Variants in ICE2 observed in about 807,000 individuals in gnomAD.
ICE2 encodes the protein little elongation complex subunit 2.
Under a neutral mutation model 105.4 loss-of-function variants are expected in ICE2, and 87 were observed. The observed-to-expected ratio is 0.83, with a 90% CI of 0.69 to 0.99. The LOEUF is 0.99. Ranked by LOEUF, ICE2 falls within the 50% of genes least tolerant of loss-of-function variation. The pLI is 0.00. For synonymous variants in ICE2, 399 were observed against 392.0 expected (o/e 1.02, Z -0.21); for missense variants, 1,323 against 1,146.7 (o/e 1.15, Z -2.22).
Position 60,434,187 on chromosome 15 carries a change from GATA to G in ICE2, c.2510+1953_2510+1955del, listed in dbSNP as rs1163631830. On this transcript the variant is annotated intron_variant, in intron 13 of 15. Transcript: ENST00000261520. The stretch of plus-strand genomic sequence containing the variant: ...CCTAGAAGTTGTGAGATGAAAATGG[GATA>G]ATAATATTCATAAATTATTTTGCTT... Among the ~76,000 whole-genome samples the G allele has an allele frequency of 7.9e-5, 12 of 152,276 alleles. No homozygotes were observed. In the South Asian group the frequency reaches 2.3e-3, roughly 29 times the overall value.
At chr15:60,459,638 A>G (rs2064218093) in intron 5 of ICE2, among the ~76,000 whole-genome samples, 1 of 152,208 alleles carries the variant, frequency 6.6e-6, no homozygotes, top group Non-Finnish European at 1.5e-5. Flanking sequence ...ATATAAAACA[A>G]TAATGTGGGT....
chr15:60,428,694 TCA>T lies in ICE2; in HGVS notation c.2562-9_2562-8del. Reference sequence around the variant, plus strand: ...GTAGGAACCCTCCTGCAAGCTAAATTCACACAATGAAACTCAACCCACTGGCT... The same window carrying T: ...GTAGGAACCCTCCTGCAAGCTAAATTCACAATGAAACTCAACCCACTGGCT... On this transcript the variant is annotated splice_region_variant and splice_polypyrimidine_tract_variant and intron_variant, in intron 14 of 15. Transcript: ENST00000261520. The T allele has an allele frequency of 4.3e-6, 7 of 1,611,924 alleles. No individual in the cohort carries two copies. Among genetic ancestry groups the T allele is most frequent in the Non-Finnish European group, 5.9e-6 (7 of 1,178,272 alleles).
At chr15:60,448,649 A>C (rs965714865) in intron 10 of ICE2, among the ~76,000 whole-genome samples, 199 bp downstream of exon 10, 1 of 152,194 alleles carries the variant, frequency 6.6e-6, no homozygotes, top group African/African-American at 2.4e-5. Flanking sequence ...AAGCTGCAAG[A>C]CCCATACGCC....
At chr15:60,433,045 C>T (rs2063497873) in intron 13 of ICE2, among the ~76,000 whole-genome samples, 1 of 151,858 alleles carries the variant, frequency 6.6e-6, no homozygotes, top group African/African-American at 2.4e-5. Flanking sequence ...ACAGAGAAGC[C>T]ACTCACTCGG....
At chr15:60,433,244 C>T (rs375591826) in intron 13 of ICE2, among the ~76,000 whole-genome samples, 9 of 151,804 alleles carry the variant, frequency 5.9e-5, no homozygotes, top group South Asian at 2.1e-4. Flanking sequence ...CCCGCCACCA[C>T]GCCCGGCTAA....
rs568586542 is a variant in ICE2, at chr15:60,456,940, T to C, written c.529-146A>G. On this transcript the variant is annotated intron_variant, in intron 5 of 15. Coordinates refer to ENST00000261520, the MANE Select transcript of ICE2 (RefSeq NM_024611.6). Reference sequence around the variant, plus strand: ...AAGCTACTAATACACACATTGTATATTCTTTATTTTCATATTTTTAACCCA... The same window carrying C: ...AAGCTACTAATACACACATTGTATACTCTTTATTTTCATATTTTTAACCCA... The C allele has an allele frequency of 1.1e-4, 38 of 344,662 alleles. 1 individual carries two copies. In the South Asian group the frequency reaches 2.3e-3, roughly 21 times the overall value. 21.4% of individuals were successfully genotyped at this position (344,662 alleles called of 1,614,324 possible).
Position 60,423,451 on chromosome 15 carries a change from G to A in ICE2, c.*183C>T, listed in dbSNP as rs2140979868. 1 of 455,982 alleles carries A rather than the reference G, an allele frequency of 2.2e-6. No homozygotes were observed. The highest frequency in any genetic ancestry group is 2.0e-5 in the African/African-American group (1 of 48,878). 28.2% of individuals were successfully genotyped at this position (455,982 alleles called of 1,614,324 possible). A position where few individuals can be genotyped will look rare whatever the true frequency, so the allele number is the denominator to read the frequency against. On this transcript the variant is annotated 3_prime_UTR_variant, in exon 16 of 16. Coordinates refer to ENST00000261520, the MANE Select transcript of ICE2 (RefSeq NM_024611.6). ...AAGATCCTCCTCAAACTTCAAGGGT[G>A]AAAAGCATACCATTCCATTTTAGTT...
At chr15:60,431,877 G>C (rs1004370190) in intron 14 of ICE2, 57 bp downstream of exon 14, 1 of 986,562 alleles carries the variant, frequency 1.0e-6, no homozygotes, top group African/African-American at 1.6e-5. Flanking sequence ...AAGTTTCTAA[G>C]AATTTTCATC....
intron 13 of ICE2, among the ~76,000 whole-genome samples, chr15:60,433,124 G>A (rs913400275): frequency 4.7e-5 from 7 of 150,108 alleles, no homozygotes; most frequent in Admixed American, 6.6e-5. Flanking sequence ...TCGCTCTGTC[G>A]CCCAGGCTGG....
intron 9 of ICE2, 197 bp downstream of exon 9, chr15:60,453,406 T>G (rs549688072): frequency 1.5e-6 from 2 of 1,369,322 alleles, no homozygotes; most frequent in African/African-American, 1.5e-5. Flanking sequence ...CTTCCTTTCA[T>G]GTATGAAAGG....
rs2063741110 is a variant in ICE2, at chr15:60,442,548, G to A, written c.2296-3C>T. ...GGTAGTACATAAACTGGAAATTGCT[G>A]CAATGCAAAATTATACTTTTTCAAA... On this transcript the variant is annotated splice_region_variant and splice_polypyrimidine_tract_variant and intron_variant, in intron 11 of 15. Coordinates refer to ENST00000261520, the MANE Select transcript of ICE2 (RefSeq NM_024611.6). 2 of 1,559,452 alleles carry A rather than the reference G, an allele frequency of 1.3e-6. No individual in the cohort carries two copies. Among genetic ancestry groups the A allele is most frequent in the Non-Finnish European group, 1.7e-6 (2 of 1,161,002 alleles).
chr15:60,439,012 T>C (rs1435916443), intron 12 of ICE2: 1 of 152,192 alleles, frequency 6.6e-6, no homozygotes, highest in Non-Finnish European at 1.5e-5. Flanking sequence ...AAGCGTTCAT[T>C]CATATATATA....
In ICE2 at chr15:60,466,693, G is replaced by T. The variant is rs145373484; in HGVS notation, c.429C>A (p.Asn143Lys). The change falls in exon 5 of 16, where the codon AAC (asparagine) becomes AAA (lysine). Residue 143 changes from asparagine to lysine, a missense_variant. Transcript: ENST00000261520. Reference sequence around the variant, plus strand: ...ACTTTAGGAACTCAGTAACTTCTTCGTTCACATGTTTTTTCATATCCTGAT... The same window carrying T: ...ACTTTAGGAACTCAGTAACTTCTTCTTTCACATGTTTTTTCATATCCTGAT... The part of the protein sequence containing the change: ...LQYLDMKKHV[N>K]EEVTEFLKFL... 1 of 1,604,670 alleles carries T rather than the reference G, an allele frequency of 6.2e-7. No homozygotes were observed. The highest frequency in any genetic ancestry group is 8.5e-7 in the Non-Finnish European group (1 of 1,177,404).
At chr15:60,424,343 T>C (rs1222565330) in intron 15 of ICE2, among the ~76,000 whole-genome samples, 1 of 129,286 alleles carries the variant, frequency 7.7e-6, no homozygotes, top group Non-Finnish European at 1.6e-5. Context: ...AGCAGGGAAA[T>C]CCTGAAGGGC....
chr15:60,431,147 C>T (rs1468082217), intron 14 of ICE2, among the ~76,000 whole-genome samples: 1 of 151,916 alleles, frequency 6.6e-6, no homozygotes, highest in Non-Finnish European at 1.5e-5. Context: ...GCTGGGATTA[C>T]AGGCGTGAGC....
At chr15:60,426,764 G>A (rs956284052) in intron 15 of ICE2, among the ~76,000 whole-genome samples, 1 of 152,048 alleles carries the variant, frequency 6.6e-6, no homozygotes, top group Non-Finnish European at 1.5e-5. Flanking sequence ...TCACTAAAAA[G>A]GAATAAACCA....
intron 11 of ICE2, chr15:60,442,746 G>A: frequency 2.4e-6 from 1 of 423,510 alleles, no homozygotes; most frequent in Non-Finnish European, 4.2e-6. Context: ...AAAGGTGGAT[G>A]GATGAAAGAG....
chr15:60,443,846 C>T (rs1048921819), intron 11 of ICE2, among the ~76,000 whole-genome samples: 2 of 151,968 alleles, frequency 1.3e-5, no homozygotes, highest in Middle Eastern at 3.4e-3. Context: ...ATAATCCCAG[C>T]ATTTTGGGAG....
intron 5 of ICE2, among the ~76,000 whole-genome samples, chr15:60,464,198 T>C (rs746195235): frequency 5.3e-5 from 8 of 152,170 alleles, no homozygotes; most frequent in Non-Finnish European, 7.4e-5. Flanking sequence ...AACATGATGA[T>C]GTTTATCATT....
Sources: gnomAD v4.1 joint callset for allele counts (sites outside exome capture counted in the v4.1 genomes callset) on GRCh38, gnomAD v4.1.1 for gene constraint, MANE v1.5 for transcripts, NCBI Gene and HGNC (gene_info 2026-07-23, HGNC 2026-07-21) for gene names.